Variants in SCAPER observed in about 807,000 individuals in gnomAD.
SCAPER encodes the protein S phase cyclin A-associated protein in the endoplasmic reticulum.
SCAPER carries 98 observed loss-of-function variants against 182.2 expected under a neutral mutation model. The observed-to-expected ratio is 0.54, with a 90% CI of 0.46 to 0.64. SCAPER has a LOEUF of 0.64. Ranked by LOEUF, SCAPER falls within the 30% of genes least tolerant of loss-of-function variation. SCAPER has a pLI of 0.00. For synonymous variants in SCAPER, 605 were observed against 564.6 expected, an observed-to-expected ratio of 1.07 and a Z score of -1.01; for missense variants, 1,432 against 1,690.0, an observed-to-expected ratio of 0.85 and a Z score of 2.68.
intron 5 of SCAPER, among the ~76,000 whole-genome samples, chr15:76,831,178 C>G (rs1275654318): frequency 1.3e-5 from 2 of 152,164 alleles, no homozygotes; most frequent in African/African-American, 4.8e-5. Flanking sequence ...GCTTGCCATA[C>G]TCCTATAGGT....
chr15:76,732,623 G>A (rs1450349722), intron 16 of SCAPER, among the ~76,000 whole-genome samples: 1 of 152,066 alleles, frequency 6.6e-6, no homozygotes, highest in Non-Finnish European at 1.5e-5. Flanking sequence ...CTACTTAGCA[G>A]ACCGGGAAAG....
intron 27 of SCAPER, among the ~76,000 whole-genome samples, chr15:76,389,528 A>AAG (rs1567042727): frequency 9.0e-6 from 1 of 111,300 alleles, no homozygotes; most frequent in African/African-American, 3.1e-5. Context: ...AAAAAAAAAA[A>AAG]AAAGGCCGGG....
chr15:76,573,282 G>C (rs936252738), intron 23 of SCAPER, among the ~76,000 whole-genome samples: 1 of 152,052 alleles, frequency 6.6e-6, no homozygotes, highest in Non-Finnish European at 1.5e-5. Context: ...CAAATGTAGT[G>C]GTAACAATCT....
chr15:76,776,310 G>C (rs574951480), intron 8 of SCAPER, among the ~76,000 whole-genome samples: 1 of 152,262 alleles, frequency 6.6e-6, no homozygotes, highest in South Asian at 2.1e-4. Flanking sequence ...CCACTCTACT[G>C]CAGCCAAACA....
chr15:76,742,254 G>T (rs1200396058), intron 15 of SCAPER, among the ~76,000 whole-genome samples: 1 of 151,704 alleles, frequency 6.6e-6, no homozygotes, highest in Non-Finnish European at 1.5e-5. Flanking sequence ...TTAGAAACAA[G>T]CTCAGGCCAC....
intron 22 of SCAPER, among the ~76,000 whole-genome samples, chr15:76,608,389 G>C (rs56796115): frequency 1.2e-4 from 18 of 152,254 alleles, no homozygotes; most frequent in African/African-American, 4.3e-4. Context: ...TTTTGTCTCA[G>C]AGGAGTACCC....
chr15:76,462,381 C>G (rs1380587940), intron 25 of SCAPER, among the ~76,000 whole-genome samples: 1 of 152,138 alleles, frequency 6.6e-6, no homozygotes, highest in Non-Finnish European at 1.5e-5. Context: ...ATAACTGAAG[C>G]AGAACTGGGT....
At chr15:76,463,769 CTTTG>C (rs1299647824) in intron 25 of SCAPER, among the ~76,000 whole-genome samples, 2 of 152,004 alleles carry the variant, frequency 1.3e-5, no homozygotes, top group African/African-American at 4.8e-5. Flanking sequence ...AAAATTGTTG[CTTTG>C]TTTCATTTGT....
chr15:76,662,769 T>A (rs938634290), intron 21 of SCAPER, among the ~76,000 whole-genome samples: 1 of 151,930 alleles, frequency 6.6e-6, no homozygotes, highest in Non-Finnish European at 1.5e-5. Flanking sequence ...TATAGAAAAA[T>A]AAACCTGGAC....
intron 26 of SCAPER, among the ~76,000 whole-genome samples, chr15:76,424,341 C>T (rs1366198589): frequency 6.6e-6 from 1 of 152,196 alleles, no homozygotes. Context: ...GTTAGCTCTT[C>T]TTGTTGAATT....
At chr15:76,389,703 A>G (rs1178896668) in intron 27 of SCAPER, among the ~76,000 whole-genome samples, 1 of 150,850 alleles carries the variant, frequency 6.6e-6, no homozygotes, top group Non-Finnish European at 1.5e-5. Context: ...CTGTAGTCCC[A>G]GCTACATGGG....
intron 17 of SCAPER, among the ~76,000 whole-genome samples, chr15:76,719,270 T>G (rs1312450816): frequency 3.3e-5 from 5 of 152,066 alleles, no homozygotes; most frequent in Admixed American, 3.3e-4. Context: ...ATATCCTAAG[T>G]AAAATGAGCC....
rs148440555 is a variant in SCAPER at position 76,897,870 on chromosome 15, C to CT, written c.-60+7428dup. 8.3e-3 allele frequency among the ~76,000 whole-genome samples: 1,258 copies of CT among 151,098 alleles called. 15 individuals are homozygous for CT. Among genetic ancestry groups the CT allele is most frequent in the African/African-American group, 0.029 (1,182 of 41,162 alleles). ...GTCAGTGGTACTTAAGATGCATGAC[C>CT]TTTTTTTTTAGGTAAATTCCAGATA... On this transcript the variant is annotated intron_variant, in intron 1 of 31. Coordinates refer to ENST00000563290, the MANE Select transcript of SCAPER (RefSeq NM_020843.4).
intron 25 of SCAPER, among the ~76,000 whole-genome samples, chr15:76,458,218 A>G (rs183656867): frequency 6.6e-6 from 1 of 152,170 alleles, no homozygotes; most frequent in East Asian, 1.9e-4. Context: ...ATAGATATAT[A>G]TACACACACA....
chr15:76,590,908 C>G (rs2049054130), intron 22 of SCAPER, among the ~76,000 whole-genome samples: 1 of 152,100 alleles, frequency 6.6e-6, no homozygotes, highest in African/African-American at 2.4e-5. Flanking sequence ...GAACTGAAGG[C>G]CATTATTTTA....
intron 21 of SCAPER, among the ~76,000 whole-genome samples, chr15:76,623,772 A>G (rs1650346515): frequency 6.6e-6 from 1 of 152,182 alleles, no homozygotes; most frequent in Admixed American, 6.5e-5. Flanking sequence ...AGCTTTTCAT[A>G]ATTTTGTAAA....
chr15:76,870,019 C>T (rs2072583904), intron 2 of SCAPER, among the ~76,000 whole-genome samples: 1 of 151,868 alleles, frequency 6.6e-6, no homozygotes, highest in Non-Finnish European at 1.5e-5. Context: ...ATATGTTCTC[C>T]CTCATATGTT....
chr15:76,702,621 G>A (rs2059020989), intron 19 of SCAPER, among the ~76,000 whole-genome samples: 1 of 151,994 alleles, frequency 6.6e-6, no homozygotes, highest in Non-Finnish European at 1.5e-5. Context: ...CTAATTTTTT[G>A]TATTTTTAGT....
chr15:76,843,431 CAAAGTT>C (rs1244867195), intron 4 of SCAPER, among the ~76,000 whole-genome samples: 1 of 152,130 alleles, frequency 6.6e-6, no homozygotes, highest in Non-Finnish European at 1.5e-5. Flanking sequence ...AATTGCCTGA[CAAAGTT>C]AAAAGAATGA....
Sources: gnomAD v4.1 joint callset for allele counts (sites outside exome capture counted in the v4.1 genomes callset) on GRCh38, gnomAD v4.1.1 for gene constraint, MANE v1.5 for transcripts, NCBI Gene and HGNC (gene_info 2026-07-23, HGNC 2026-07-21) for gene names.